MED13L: variants seen among roughly 807,000 people sequenced by gnomAD.
The protein encoded by MED13L is mediator of RNA polymerase II transcription subunit 13-like.
In MED13L, 7 loss-of-function variants were observed where a neutral mutation model predicts 220.9. The ratio of observed to expected loss-of-function variants is 0.03; its 90% CI spans 0.02 to 0.06. The LOEUF (loss-of-function observed/expected upper bound fraction) is 0.06, where lower values mean the gene tolerates loss of function less well. Among genes scored for constraint, MED13L ranks in the 10% least tolerant of loss-of-function variants. The probability of loss-of-function intolerance (pLI) is 1.00; values close to 1 mark genes in which losing one functional copy is unlikely to be tolerated. For synonymous variants in MED13L, 1,011 were observed against 1,015.2 expected (o/e 1.00, Z 0.08); for missense variants, 1,965 against 2,760.5 (o/e 0.71, Z 6.46).
Position 116,111,402 on chromosome 12 carries a change from C to T in MED13L, c.395+26G>A, listed in dbSNP as rs367910902. 293 of 1,594,822 alleles carry T rather than the reference C, an allele frequency of 1.8e-4. 3 individuals carry two copies. In the South Asian group the frequency reaches 2.7e-3, roughly 15 times the overall value. On this transcript the variant is annotated intron_variant, in intron 3 of 30. Coordinates refer to ENST00000281928, the MANE Select transcript of MED13L (RefSeq NM_015335.5). ...AGCAATATACTTGGTTGTCTGCAAA[C>T]CACTGTCTGCTGTTCCTTCTCTTAC...
intron 2 of MED13L, among the ~76,000 whole-genome samples, chr12:116,190,744 C>T (rs1054330646): frequency 2.6e-4 from 39 of 152,080 alleles, no homozygotes; most frequent in African/African-American, 8.9e-4. Context: ...TACAATTTGA[C>T]CTTGTCAATC....
In MED13L at chr12:115,969,057, G is replaced by C; in HGVS notation, c.6108C>G (p.Asp2036Glu). ...CAGTCATTAATATGCCAATATCATT[G>C]TCCATATCATCTGGGAATGGAAGGT... ...FVDLPFPDDM[D>E]NDIGILMTGN... The change falls in exon 28 of 31, where the codon GAC (aspartate) becomes GAG (glutamate). Residue 2036 changes from aspartate to glutamate, a missense_variant. Physicochemically the swap from Asp to Glu is conservative, Grantham distance 45. Around this residue, in one of 10 missense-constraint regions of MED13L, gnomAD observed 145 missense variants for 328.3 expected, o/e 0.44. Transcript: ENST00000281928. 1 of 1,613,942 alleles carries C rather than the reference G, an allele frequency of 6.2e-7. No individual in the cohort carries two copies. Among genetic ancestry groups the C allele is most frequent in the Non-Finnish European group, 8.5e-7 (1 of 1,179,912 alleles).
In MED13L at chr12:116,019,981, G is replaced by T; in HGVS notation, c.626-9C>A. On this transcript the variant is annotated splice_polypyrimidine_tract_variant and intron_variant, in intron 5 of 30. Transcript: ENST00000281928. ...ATAAGGACTTACCAGTACTATGGAG[G>T]GGAGGAGAAATACATGCTAAACATT... is the stretch of plus-strand genomic sequence containing the variant. The T allele has an allele frequency of 6.2e-7, 1 of 1,609,844 alleles. No homozygotes were observed. Among genetic ancestry groups the T allele is most frequent in the South Asian group, 1.1e-5 (1 of 90,978 alleles).
chr12:116,100,223 A>G lies in MED13L; in HGVS notation c.396-3471T>C, dbSNP rs187679478. On this transcript the variant is annotated intron_variant, in intron 3 of 30. Transcript: ENST00000281928. ...AAGGAAGACCTAATTGATACAAGGG[A>G]ATATGCTGACTCAACAGTAGCCTAT... Among the ~76,000 whole-genome samples the G allele has an allele frequency of 3.6e-3, 542 of 152,234 alleles. 7 individuals carry two copies. Among genetic ancestry groups the G allele is most frequent in the African/African-American group, 0.012 (509 of 41,550 alleles).
At chr12:116,005,275 TGAG>T (rs1226937485) in intron 13 of MED13L, among the ~76,000 whole-genome samples, 1 of 152,180 alleles carries the variant, frequency 6.6e-6, no homozygotes, top group East Asian at 1.9e-4. Context: ...GTTAGGAGGA[TGAG>T]GACACACATT....
intron 2 of MED13L, among the ~76,000 whole-genome samples, chr12:116,151,982 T>A (rs532136316): frequency 6.6e-6 from 1 of 152,254 alleles, no homozygotes; most frequent in Admixed American, 6.5e-5. Flanking sequence ...AAATACAACC[T>A]CTTCCTTTTC....
At chr12:116,134,662 C>A (rs533997157) in intron 2 of MED13L, among the ~76,000 whole-genome samples, 1 of 152,136 alleles carries the variant, frequency 6.6e-6, no homozygotes, top group African/African-American at 2.4e-5. Context: ...CTGTTAAATG[C>A]AAGTTAAATG....
intron 2 of MED13L, among the ~76,000 whole-genome samples, chr12:116,129,844 G>A (rs1268241737): frequency 1.3e-5 from 2 of 151,950 alleles, no homozygotes; most frequent in Non-Finnish European, 2.9e-5. Flanking sequence ...GGGAGGTGGA[G>A]GTTGTAGTGA....
rs200027979 is a variant in MED13L at position 116,241,332 on chromosome 12, C to CAAAA, written c.73-3631_73-3628dup. 2.1e-5 allele frequency among the ~76,000 whole-genome samples: 3 copies of CAAAA among 145,344 alleles called. No homozygotes were observed. In the South Asian group the frequency reaches 6.4e-4, roughly 31 times the overall value. On this transcript the variant is annotated intron_variant, in intron 1 of 30. Coordinates refer to ENST00000281928, the MANE Select transcript of MED13L (RefSeq NM_015335.5). Reference sequence around the variant, plus strand: ...AAAAAAAAAACAAAAAACAAAAAAACAAAAAAAAAACACACACACACACAC... The same window carrying CAAAA: ...AAAAAAAAAACAAAAAACAAAAAAACAAAAAAAAAAAAAACACACACACACACAC...
chr12:116,117,738 C>T (rs1468622953), intron 2 of MED13L, among the ~76,000 whole-genome samples: 1 of 151,986 alleles, frequency 6.6e-6, no homozygotes, highest in African/African-American at 2.4e-5. Context: ...CCCAATGTAC[C>T]AGTTATATTC....
At chr12:115,977,247 G>A (rs117048486) in intron 23 of MED13L, among the ~76,000 whole-genome samples, 152 of 152,250 alleles carry the variant, frequency 1.0e-3, no homozygotes, top group Non-Finnish European at 1.8e-3. Context: ...GCTGACCCCT[G>A]AACTACACAG....
rs562705157 is a variant in MED13L at position 116,004,647 on chromosome 12, C to T, written c.2469+1222G>A. 7.2e-5 allele frequency among the ~76,000 whole-genome samples: 11 copies of T among 152,038 alleles called. No individual in the cohort carries two copies. In the South Asian group the frequency reaches 2.1e-3, roughly 29 times the overall value. ...CTTATCCCTGAAAGCTAATCTAGTT[C>T]GTTTTTGTTGTTTAATCAAGGCTCA... On this transcript the variant is annotated intron_variant, in intron 13 of 30. Coordinates refer to ENST00000281928, the MANE Select transcript of MED13L (RefSeq NM_015335.5).
chr12:116,149,197 C>T (rs939702608), intron 2 of MED13L, among the ~76,000 whole-genome samples: 1 of 152,130 alleles, frequency 6.6e-6, no homozygotes, highest in Non-Finnish European at 1.5e-5. Context: ...GACTAACTTC[C>T]CTCTTTCCTG....
At chr12:115,978,326 CTTTTTTTT>C (rs60887652) in intron 23 of MED13L, among the ~76,000 whole-genome samples, 5 of 132,186 alleles carry the variant, frequency 3.8e-5, no homozygotes, top group Non-Finnish European at 8.1e-5. Context: ...AATTTTTTTT[CTTTTTTTT>C]TTTTTTTTTG....
chr12:116,126,244 G>C (rs192299102), intron 2 of MED13L, among the ~76,000 whole-genome samples: 13 of 152,284 alleles, frequency 8.5e-5, no homozygotes, highest in Middle Eastern at 3.4e-3. Flanking sequence ...AGTCCTTTAG[G>C]AAATAAAGGT....
At chr12:116,174,775 A>C (rs1313816847) in intron 2 of MED13L, 1 of 152,250 alleles carries the variant, frequency 6.6e-6, no homozygotes, top group Non-Finnish European at 1.5e-5. Context: ...GCATGTATGA[A>C]AACCCAGCCA....
At chr12:115,973,781 T>G (rs371324928) in intron 25 of MED13L, among the ~76,000 whole-genome samples, 11 of 152,328 alleles carry the variant, frequency 7.2e-5, no homozygotes, top group African/African-American at 2.6e-4. Flanking sequence ...CATTATGATA[T>G]TCCTTTAAAA....
chr12:116,086,493 G>A (rs957590768), intron 4 of MED13L, among the ~76,000 whole-genome samples: 4 of 152,014 alleles, frequency 2.6e-5, no homozygotes, highest in Admixed American at 2.6e-4. Flanking sequence ...TGTTGGTCAG[G>A]CTGGTCTCAA....
At chr12:116,057,216 A>G (rs974598770) in intron 4 of MED13L, among the ~76,000 whole-genome samples, 1 of 152,194 alleles carries the variant, frequency 6.6e-6, no homozygotes, top group Non-Finnish European at 1.5e-5. Flanking sequence ...CCCATAAAAT[A>G]AAGTCCTGTG....
Sources: allele counts gnomAD v4.1 joint callset (sites outside exome capture counted in the v4.1 genomes callset), GRCh38; gene constraint gnomAD v4.1.1; regional missense constraint gnomAD v4.1.1; transcripts MANE v1.5; gene names NCBI Gene and HGNC (gene_info 2026-07-23, HGNC 2026-07-21).